The following CFLAR variants were observed in gnomAD, a reference collection of about 807,000 sequenced individuals.
The protein encoded by CFLAR is CASP8 and FADD like apoptosis regulator, also known as CASP8 and FADD-like apoptosis regulator.
In CFLAR, 14 loss-of-function variants were observed where a neutral mutation model predicts 51.1. That is an observed-to-expected ratio of 0.27 (90% confidence interval 0.18 to 0.43). The LOEUF is 0.43. CFLAR is among the 20% of genes least tolerant of loss of function. The pLI, the probability that CFLAR is intolerant of heterozygous loss-of-function variation, is 1.00. For synonymous variants in CFLAR, 210 were observed against 211.6 expected, an observed-to-expected ratio of 0.99 and a Z score of 0.06; for missense variants, 390 against 566.5, an observed-to-expected ratio of 0.69 and a Z score of 3.16.
intron 1 of CFLAR, among the ~76,000 whole-genome samples, chr2:201,117,333 G>A (rs975901574): frequency 2.0e-5 from 3 of 152,280 alleles, no homozygotes; most frequent in African/African-American, 7.2e-5. Context: ...AGATGTTCTT[G>A]CTTGAGGGTG....
chr2:201,140,480 GT>G (rs1233249044), intron 5 of CFLAR, 41 bp downstream of exon 5: 2 of 1,450,308 alleles, frequency 1.4e-6, no homozygotes, highest in Non-Finnish European at 1.9e-6. Context: ...GCATGAAACC[GT>G]TTCAGAGTTC....
chr2:201,153,730 G>A (rs975855581), intron 8 of CFLAR: 1 of 152,256 alleles, frequency 6.6e-6, no homozygotes, highest in South Asian at 2.1e-4. Flanking sequence ...TGTGCTCAGA[G>A]TATATAATTT....
Position 201,138,255 on chromosome 2 carries a change from C to T in CFLAR, c.524-2102C>T, listed in dbSNP as rs1206487977. ...CCTTGGGACGAGTCCAAGCCTATGA[C>T]ATTGACGCCTACCTGGGTGAGCAGG... On this transcript the variant is annotated intron_variant, in intron 4 of 9. Transcript: ENST00000309955. The surrounding 1 kb of genome is among the most constrained non-coding windows in gnomAD (Gnocchi z 4.0). 7 of 835,710 alleles carry T rather than the reference C, an allele frequency of 8.4e-6. No individual in the cohort carries two copies. Among genetic ancestry groups the T allele is most frequent in the Non-Finnish European group, 1.5e-5 (7 of 474,336 alleles). 51.8% of individuals were successfully genotyped at this position (835,710 alleles called of 1,614,324 possible). A position where few individuals can be genotyped will look rare whatever the true frequency, so the allele number is the denominator to read the frequency against.
intron 8 of CFLAR, among the ~76,000 whole-genome samples, chr2:201,158,041 C>T (rs1465384209): frequency 1.3e-5 from 2 of 152,224 alleles, no homozygotes; most frequent in East Asian, 1.9e-4. Context: ...CAGCTTTAGC[C>T]ATTTTTCTTC....
At chr2:201,149,905 T>C (rs1031973120) in intron 8 of CFLAR, 70 bp downstream of exon 8, 32 of 1,188,318 alleles carry the variant, frequency 2.7e-5, no homozygotes, top group Non-Finnish European at 3.8e-5. Context: ...GCTGTATTCA[T>C]TGGAGTGATC....
intron 8 of CFLAR, chr2:201,154,609 A>G (rs1180337340): frequency 2.0e-5 from 3 of 152,240 alleles, no homozygotes; most frequent in African/African-American, 7.2e-5. Flanking sequence ...TCAATAAATA[A>G]TTGTTGGGTG....
intron 8 of CFLAR, among the ~76,000 whole-genome samples, chr2:201,155,782 T>C (rs534795856): frequency 9.9e-5 from 15 of 152,016 alleles, no homozygotes; most frequent in African/African-American, 3.4e-4. Context: ...CGCCACCACA[T>C]CCATCTAATT....
At chr2:201,119,664 G>A (rs185095419) in intron 1 of CFLAR, among the ~76,000 whole-genome samples, 1 of 152,146 alleles carries the variant, frequency 6.6e-6, no homozygotes, top group Admixed American at 6.5e-5. Flanking sequence ...TATGCTCAGC[G>A]GCTGTCTTTG....
intron 1 of CFLAR, among the ~76,000 whole-genome samples, chr2:201,129,091 C>T (rs187144796): frequency 2.7e-4 from 41 of 152,302 alleles, no homozygotes; most frequent in Non-Finnish European, 4.9e-4. Context: ...AACCTGACAA[C>T]TTGGTGGCAG....
intron 7 of CFLAR, 70 bp from the exon 8 acceptor site, chr2:201,149,684 T>C: frequency 1.7e-6 from 2 of 1,163,782 alleles, no homozygotes; most frequent in South Asian, 1.2e-5. Flanking sequence ...GAAGAGATGG[T>C]ATATGGGTGG....
intron 2 of CFLAR, among the ~76,000 whole-genome samples, chr2:201,131,056 A>G (rs12620435): frequency 0.1 from 15,775 of 152,172 alleles, 921 homozygotes; most frequent in Middle Eastern, 0.13. Flanking sequence ...AGTTAACCAC[A>G]TTTAAGTCCC....
chr2:201,138,722 C>T lies in CFLAR; in HGVS notation c.524-1635C>T, dbSNP rs187412994. ...GCACCACGGGGTGTGTGATAAAGCC[C>T]GGTTCAAACTTCTTGACCTTCTGCA... On this transcript the variant is annotated intron_variant, in intron 4 of 9. Coordinates refer to ENST00000309955, the MANE Select transcript of CFLAR (RefSeq NM_003879.7). This position sits in a 1 kb window ranked among gnomAD's most constrained non-coding sequence, Gnocchi z 4.0. 25 of 795,340 alleles carry T rather than the reference C, an allele frequency of 3.1e-5. No individual in the cohort carries two copies. The highest frequency in any genetic ancestry group is 4.9e-5 in the East Asian group (2 of 41,220). The allele number at this position is 795,340 out of a possible 1,614,324, so 49.3% of individuals were successfully genotyped here.
rs1346583347 is a variant in CFLAR at position 201,136,073 on chromosome 2, C to T, written c.489C>T (p.Asp163=). 1.2e-6 allele frequency: 2 copies of T among 1,613,636 alleles called. No individual in the cohort carries two copies. The highest frequency in any genetic ancestry group is 1.3e-5 in the African/African-American group (1 of 74,786). ...EKCLKNIHRI[D]LKTKIQKYKQ... ...GCCTAAAGAACATCCACAGAATAGACCTGAAGACAAAAATCCAGAAGTACA... is the reference window on the plus strand; with the variant it reads ...GCCTAAAGAACATCCACAGAATAGATCTGAAGACAAAAATCCAGAAGTACA... Residue 163 remains aspartate, a synonymous_variant, in exon 4 of 10, where the codon GAC becomes GAT. Transcript: ENST00000309955.
rs1025036718 is a variant in CFLAR at position 201,149,848 on chromosome 2, G to A, written c.793+13G>A. On this transcript the variant is annotated intron_variant, in intron 8 of 9. Coordinates refer to ENST00000309955, the MANE Select transcript of CFLAR (RefSeq NM_003879.7). ...GGCAATGAGACAGGTAGGTGTGGAA[G>A]CTGCAGATTAACTGGTGCCCCCAGA... The A allele has an allele frequency of 5.0e-6, 8 of 1,602,138 alleles. No individual in the cohort carries two copies.
chr2:201,157,282 A>G (rs1942332342), intron 8 of CFLAR, among the ~76,000 whole-genome samples: 1 of 152,142 alleles, frequency 6.6e-6, no homozygotes, highest in South Asian at 2.1e-4. Flanking sequence ...CTGGGACCAC[A>G]GATGCGTGCC....
At chr2:201,149,897 T>A (rs2068559) in intron 8 of CFLAR, 62 bp downstream of exon 8, 3 of 1,253,120 alleles carry the variant, frequency 2.4e-6, no homozygotes, top group Non-Finnish European at 3.5e-6. Flanking sequence ...ACAGGCAAGC[T>A]GTATTCATTG....
intron 8 of CFLAR, among the ~76,000 whole-genome samples, chr2:201,155,973 G>A (rs1175732966): frequency 6.6e-5 from 10 of 151,836 alleles, no homozygotes; most frequent in African/African-American, 9.7e-5. Context: ...TTCCCAGGGC[G>A]GTCTTGAACT....
At chr2:201,136,264 A>G (rs769706743) in intron 4 of CFLAR, 157 bp downstream of exon 4, 7 of 1,601,170 alleles carry the variant, frequency 4.4e-6, no homozygotes, top group South Asian at 2.2e-5. Context: ...GCGTCCCTTT[A>G]TATTCTTCAT....
intron 1 of CFLAR, chr2:201,122,343 C>A (rs1380915764): frequency 6.6e-6 from 1 of 152,236 alleles, no homozygotes; most frequent in Admixed American, 6.5e-5. Flanking sequence ...GCTGCAAAAG[C>A]TTCCTTTCAC....
Sources: allele counts gnomAD v4.1 joint callset (sites outside exome capture counted in the v4.1 genomes callset), GRCh38; gene constraint gnomAD v4.1.1; non-coding constraint Gnocchi (gnomAD v3.1); transcripts MANE v1.5; gene names NCBI Gene and HGNC (gene_info 2026-07-23, HGNC 2026-07-21).